Variants in LARGE1 observed in about 807,000 individuals in gnomAD.
LARGE1 encodes the protein LARGE xylosyl- and glucuronyltransferase 1.
LARGE1 carries 43 observed loss-of-function variants against 87.6 expected under a neutral mutation model. The observed-to-expected ratio is 0.49, with a 90% CI of 0.38 to 0.63. The LOEUF is 0.63. LARGE1 is among the 30% of genes least tolerant of loss of function. The pLI is 0.00. For synonymous variants in LARGE1, 434 were observed against 394.6 expected (o/e 1.10, Z -1.18); for missense variants, 802 against 1,000.2 (o/e 0.80, Z 2.67).
intron 2 of LARGE1, among the ~76,000 whole-genome samples, chr22:33,698,346 GC>G (rs1209636007): frequency 6.9e-6 from 1 of 144,534 alleles, no homozygotes; most frequent in Non-Finnish European, 1.5e-5. Context: ...AGTCACCCAG[GC>G]TGGAGTGCAG....
intron 11 of LARGE1, among the ~76,000 whole-genome samples, chr22:33,184,973 T>A (rs1360082851): frequency 1.3e-5 from 2 of 152,148 alleles, no homozygotes; most frequent in East Asian, 3.8e-4. Context: ...TTCAAAATGG[T>A]ACAGCCACTT....
intron 11 of LARGE1, among the ~76,000 whole-genome samples, chr22:33,238,139 T>C (rs956175639): frequency 4.6e-5 from 7 of 152,140 alleles, no homozygotes; most frequent in Non-Finnish European, 8.8e-5. Flanking sequence ...TTAGAGTTTT[T>C]AAAGGAGCAC....
chr22:33,432,595 T>TCATTCATTCATTCATG (rs146169927), intron 6 of LARGE1, among the ~76,000 whole-genome samples: 219 of 147,228 alleles, frequency 1.5e-3, no homozygotes, highest in African/African-American at 4.4e-3. Context: ...ATTCATTCAT[T>TCATTCATTCATTCATG]CATGCATGCA....
intron 1 of LARGE1, among the ~76,000 whole-genome samples, chr22:33,767,204 C>G (rs990351195): frequency 2.7e-5 from 4 of 150,858 alleles, no homozygotes; most frequent in Non-Finnish European, 4.4e-5. Flanking sequence ...TGCCTGTAAT[C>G]CCAGCTACTG....
At chr22:33,421,434 C>G (rs2066694127) in intron 7 of LARGE1, among the ~76,000 whole-genome samples, 1 of 152,048 alleles carries the variant, frequency 6.6e-6, no homozygotes, top group Non-Finnish European at 1.5e-5. Flanking sequence ...GGGACTTGGA[C>G]CAAAGACTGT....
At chr22:33,610,080 T>C (rs1432686320) in intron 4 of LARGE1, among the ~76,000 whole-genome samples, 6 of 152,140 alleles carry the variant, frequency 3.9e-5, no homozygotes, top group Non-Finnish European at 2.9e-5. Flanking sequence ...AATTAAACCA[T>C]TTTTCTTTAT....
chr22:33,683,331 T>C (rs1364294576), intron 2 of LARGE1, among the ~76,000 whole-genome samples: 1 of 152,230 alleles, frequency 6.6e-6, no homozygotes, highest in Admixed American at 6.5e-5. Context: ...GCTGGGACAC[T>C]GGTCTTTTCT....
chr22:33,191,422 T>A (rs1568966882), intron 11 of LARGE1, among the ~76,000 whole-genome samples: 1 of 152,234 alleles, frequency 6.6e-6, no homozygotes, highest in Non-Finnish European at 1.5e-5. Flanking sequence ...GGAACTAACA[T>A]GTTTAATGAG....
intron 6 of LARGE1, among the ~76,000 whole-genome samples, chr22:33,511,663 T>C (rs1417001620): frequency 6.6e-6 from 1 of 152,242 alleles, no homozygotes; most frequent in Non-Finnish European, 1.5e-5. Flanking sequence ...CAGCTCTGCA[T>C]GGCCCTAGTC....
chr22:33,577,217 C>A (rs1225944037), intron 5 of LARGE1, among the ~76,000 whole-genome samples: 10 of 152,028 alleles, frequency 6.6e-5, no homozygotes, highest in African/African-American at 2.4e-4. Flanking sequence ...GTATTAAAAT[C>A]TCATGTTAGA....
intron 1 of LARGE1, among the ~76,000 whole-genome samples, chr22:33,846,380 A>C (rs551230888): frequency 1.2e-4 from 19 of 152,280 alleles, no homozygotes; most frequent in African/African-American, 3.6e-4. Flanking sequence ...GCCTGTCTTT[A>C]CTTTAATCTC....
chr22:33,729,372 G>A (rs1262342099), intron 2 of LARGE1, among the ~76,000 whole-genome samples: 1 of 152,168 alleles, frequency 6.6e-6, no homozygotes, highest in Non-Finnish European at 1.5e-5. Context: ...TTTGACAGAA[G>A]GGACATTGAA....
intron 7 of LARGE1, among the ~76,000 whole-genome samples, chr22:33,411,006 T>A (rs1385707415): frequency 6.6e-6 from 1 of 152,176 alleles, no homozygotes; most frequent in Admixed American, 6.5e-5. Context: ...CAGATTATTT[T>A]CCTTAAGTCA....
At chr22:33,472,053 A>G (rs1405482969) in intron 6 of LARGE1, among the ~76,000 whole-genome samples, 3 of 152,190 alleles carry the variant, frequency 2.0e-5, no homozygotes, top group Non-Finnish European at 4.4e-5. Context: ...CTGACTCAAA[A>G]AAAAAGAGTA....
chr22:33,337,344 G>C (rs1938582970), intron 10 of LARGE1, among the ~76,000 whole-genome samples: 1 of 152,148 alleles, frequency 6.6e-6, no homozygotes, highest in African/African-American at 2.4e-5. Flanking sequence ...CTGGCTATGA[G>C]AGACACTTGA....
At chr22:33,863,533 G>T (rs562024051) in intron 1 of LARGE1, among the ~76,000 whole-genome samples, 1 of 151,642 alleles carries the variant, frequency 6.6e-6, no homozygotes, top group African/African-American at 2.4e-5. Flanking sequence ...CGAGGTGGGC[G>T]GATCACAAGG....
At chr22:33,299,483 G>A (rs1055629140) in intron 12 of LARGE1, among the ~76,000 whole-genome samples, 3 of 152,092 alleles carry the variant, frequency 2.0e-5, no homozygotes, top group Admixed American at 2.0e-4. Flanking sequence ...TCAATATATA[G>A]TTTCTCATTT....
intron 11 of LARGE1, among the ~76,000 whole-genome samples, chr22:33,173,732 A>C (rs888419979): frequency 6.6e-6 from 1 of 152,176 alleles, no homozygotes; most frequent in African/African-American, 2.4e-5. Context: ...CAAATATCAA[A>C]AGAGACACAG....
chr22:33,619,235 C>A (rs971597058), intron 4 of LARGE1, among the ~76,000 whole-genome samples: 1 of 152,038 alleles, frequency 6.6e-6, no homozygotes, highest in Non-Finnish European at 1.5e-5. Context: ...TACACTATCA[C>A]CCAGAATGAA....
Sources: allele counts gnomAD v4.1 joint callset (sites outside exome capture counted in the v4.1 genomes callset), GRCh38; gene constraint gnomAD v4.1.1; transcripts MANE v1.5; gene names NCBI Gene and HGNC (gene_info 2026-07-23, HGNC 2026-07-21).